LARGE1: variants seen among roughly 807,000 people sequenced by gnomAD.
The protein encoded by LARGE1 is LARGE xylosyl- and glucuronyltransferase 1, also known as xylosyl- and glucuronyltransferase LARGE1.
Under a neutral mutation model 87.6 loss-of-function variants are expected in LARGE1, and 43 were observed. The observed-to-expected ratio is 0.49, with a 90% CI of 0.38 to 0.63. The LOEUF (loss-of-function observed/expected upper bound fraction) is 0.63, where lower values mean the gene tolerates loss of function less well. Ranked by LOEUF, LARGE1 falls within the 30% of genes least tolerant of loss-of-function variation. The pLI is 0.00. For missense variants in LARGE1, 802 were observed against 1,000.2 expected (o/e 0.80, Z 2.67); for synonymous variants, 434 against 394.6 (o/e 1.10, Z -1.18).
intron 11 of LARGE1, among the ~76,000 whole-genome samples, chr22:33,204,200 G>A (rs1924570721): frequency 6.6e-6 from 1 of 152,156 alleles, no homozygotes; most frequent in South Asian, 2.1e-4. Context: ...CCCGAATTGA[G>A]GGGCTGGAGA....
intron 7 of LARGE1, among the ~76,000 whole-genome samples, chr22:33,406,214 G>A (rs981583515): frequency 6.6e-6 from 1 of 152,006 alleles, no homozygotes; most frequent in Admixed American, 6.5e-5. Flanking sequence ...TATGACCACG[G>A]CTCTTCCCGC....
chr22:33,188,975 G>A (rs137409), intron 11 of LARGE1, among the ~76,000 whole-genome samples: 103,181 of 151,796 alleles, frequency 0.68, 36,594 homozygotes, highest in African/African-American at 0.89. Flanking sequence ...ATGGGCTTCA[G>A]TGATCGTGGA....
At chr22:33,501,626 G>A (rs1266184712) in intron 6 of LARGE1, among the ~76,000 whole-genome samples, 3 of 152,142 alleles carry the variant, frequency 2.0e-5, no homozygotes, top group Non-Finnish European at 4.4e-5. Flanking sequence ...ATCTCAACCT[G>A]CTTACCACCT....
chr22:33,205,550 C>T (rs1924631962), intron 11 of LARGE1, among the ~76,000 whole-genome samples: 1 of 152,128 alleles, frequency 6.6e-6, no homozygotes, highest in African/African-American at 2.4e-5. Context: ...TAGTGTTTCC[C>T]TCAGCATTCT....
At chr22:33,579,495 T>C (rs907183359) in intron 5 of LARGE1, among the ~76,000 whole-genome samples, 3 of 152,178 alleles carry the variant, frequency 2.0e-5, no homozygotes, top group Admixed American at 6.5e-5. Context: ...CGGTTAGCAT[T>C]TGTACATTAC....
At chr22:33,477,864 G>A (rs1318473930) in intron 6 of LARGE1, among the ~76,000 whole-genome samples, 2 of 152,098 alleles carry the variant, frequency 1.3e-5, no homozygotes, top group Non-Finnish European at 2.9e-5. Flanking sequence ...CCTGACTGTC[G>A]CTGATCTAAA....
At chr22:33,276,761 A>G (rs1283793990) in intron 14 of LARGE1, among the ~76,000 whole-genome samples, 4 of 152,204 alleles carry the variant, frequency 2.6e-5, no homozygotes, top group Admixed American at 2.6e-4. Flanking sequence ...CCAAGTGATG[A>G]ATGGTCACAT....
chr22:33,803,423 A>T (rs957021170), intron 1 of LARGE1, among the ~76,000 whole-genome samples: 7 of 152,192 alleles, frequency 4.6e-5, no homozygotes, highest in African/African-American at 9.7e-5. Context: ...GGAATCCAGT[A>T]AATGCTAATG....
chr22:33,364,124 G>A (rs532977007), intron 9 of LARGE1, among the ~76,000 whole-genome samples: 1 of 151,454 alleles, frequency 6.6e-6, no homozygotes, highest in African/African-American at 2.4e-5. Flanking sequence ...GCGCAATCTC[G>A]GCTCACTGCA....
At chr22:33,805,013 C>T (rs2086265779) in intron 1 of LARGE1, among the ~76,000 whole-genome samples, 1 of 152,178 alleles carries the variant, frequency 6.6e-6, no homozygotes, top group African/African-American at 2.4e-5. Flanking sequence ...AAACTGAACT[C>T]CTAATGTTCT....
intron 7 of LARGE1, among the ~76,000 whole-genome samples, chr22:33,389,707 T>C (rs1428357420): frequency 6.6e-6 from 1 of 152,110 alleles, no homozygotes; most frequent in Non-Finnish European, 1.5e-5. Context: ...GAGCCGGGCA[T>C]GGTGGTGTGT....
intron 6 of LARGE1, among the ~76,000 whole-genome samples, chr22:33,558,846 G>A (rs2077772110): frequency 6.6e-6 from 1 of 152,228 alleles, no homozygotes; most frequent in Non-Finnish European, 1.5e-5. Flanking sequence ...TCTGTGGACA[G>A]AACTGTGAGG....
Position 33,715,385 on chromosome 22 carries a change from T to G in LARGE1, c.106+45986A>C, listed in dbSNP as rs557141742. Among the ~76,000 whole-genome samples, 5 of 152,320 alleles carry G rather than the reference T, an allele frequency of 3.3e-5. No individual in the cohort carries two copies. In the East Asian group the frequency reaches 9.7e-4, roughly 29 times the overall value. On this transcript the variant is annotated intron_variant, in intron 2 of 14. Transcript: ENST00000397394. ...ATCCATGTCGTCCTGCTTCTTTGAA[T>G]TAATGTTCCTAAGGGCAGGCTGGTA...
chr22:33,708,783 T>A (rs752106462), intron 2 of LARGE1, among the ~76,000 whole-genome samples: 1 of 152,196 alleles, frequency 6.6e-6, no homozygotes, highest in South Asian at 2.1e-4. Context: ...GTATTTTTAG[T>A]AAAGTCGGGG....
intron 1 of LARGE1, among the ~76,000 whole-genome samples, chr22:33,784,964 T>C: frequency 6.6e-6 from 1 of 151,258 alleles, no homozygotes; most frequent in African/African-American, 2.4e-5. Flanking sequence ...TACATGGGTA[T>C]ATACATGTGT....
intron 11 of LARGE1, among the ~76,000 whole-genome samples, chr22:33,251,501 G>A (rs1007436072): frequency 4.6e-5 from 7 of 152,098 alleles, no homozygotes; most frequent in African/African-American, 1.7e-4. Context: ...CAACACTCCT[G>A]TGACATGATG....
At chr22:33,139,109 T>A in the LARGE1 span, among the ~76,000 whole-genome samples, 62,428 of 151,984 alleles carry the variant, frequency 0.41, 13,456 homozygotes, top group South Asian at 0.68. Context: ...ACCGTGATTG[T>A]GAGGCTTCCC....
At chr22:33,587,471 CTTCT>C (rs935743989) in intron 5 of LARGE1, among the ~76,000 whole-genome samples, 32 of 152,164 alleles carry the variant, frequency 2.1e-4, no homozygotes, top group Admixed American at 1.2e-3. Flanking sequence ...ATCTTATTTT[CTTCT>C]TTCTTTGAAT....
At chr22:33,766,717 G>A in intron 1 of LARGE1, among the ~76,000 whole-genome samples, 1 of 151,674 alleles carries the variant, frequency 6.6e-6, no homozygotes, top group Non-Finnish European at 1.5e-5. Flanking sequence ...GAGCCACCAT[G>A]CCTGGCTGAT....
Sources: allele counts gnomAD v4.1 joint callset (sites outside exome capture counted in the v4.1 genomes callset), GRCh38; gene constraint gnomAD v4.1.1; transcripts MANE v1.5; gene names NCBI Gene and HGNC (gene_info 2026-07-23, HGNC 2026-07-21).